CELF2: variants seen among roughly 807,000 people sequenced by gnomAD.
The protein encoded by CELF2 is CUGBP Elav-like family member 2, also known as CUG triplet repeat RNA-binding protein 2.
Under a neutral mutation model 62.6 loss-of-function variants are expected in CELF2, and 8 were observed. That is an observed-to-expected ratio of 0.13 (90% CI 0.07 to 0.23). The LOEUF (loss-of-function observed/expected upper bound fraction) is 0.23. CELF2 is among the 10% of genes least tolerant of loss of function. CELF2 has a pLI of 1.00. For synonymous variants in CELF2, 258 were observed against 250.0 expected (o/e 1.03, Z -0.30); for missense variants, 333 against 671.0 (o/e 0.50, Z 5.56).
In CELF2 at chr10:11,098,632, C is replaced by T. The variant is rs1033781496; in HGVS notation, c.75-66854C>T. On this transcript the variant is annotated intron_variant, in intron 1 of 12. Coordinates refer to ENST00000633077, the MANE Select transcript of CELF2 (RefSeq NM_001326342.2). The surrounding 1 kb of genome is among the most constrained non-coding windows in gnomAD (Gnocchi z 4.0). ...ACGCTCATTTTTTTTCCATTTTAGA[C>T]AAATAATGCATGATAAGTATAAATG... 1.3e-5 allele frequency among the ~76,000 whole-genome samples: 2 copies of T among 152,126 alleles called. No individual in the cohort carries two copies. Among genetic ancestry groups the T allele is most frequent in the Non-Finnish European group, 2.9e-5 (2 of 68,022 alleles).
At chr10:10,511,644 C>T in the CELF2 span, among the ~76,000 whole-genome samples, 1 of 152,240 alleles carries the variant, frequency 6.6e-6, no homozygotes, top group East Asian at 1.9e-4. Flanking sequence ...AGCTTCACAG[C>T]TGCCCACAGT....
chr10:10,715,686 T>G, the CELF2 span, among the ~76,000 whole-genome samples: 1 of 152,220 alleles, frequency 6.6e-6, no homozygotes, highest in Non-Finnish European at 1.5e-5. Flanking sequence ...TTTAGTTTTA[T>G]TCCCCTTACA....
the CELF2 span, among the ~76,000 whole-genome samples, chr10:10,701,218 TAGGCAG>T: frequency 6.6e-6 from 1 of 152,210 alleles, no homozygotes. Context: ...GTCCTGAGCC[TAGGCAG>T]AGGCTAATGC....
chr10:10,478,796 CA>C, the CELF2 span, among the ~76,000 whole-genome samples: 1 of 152,070 alleles, frequency 6.6e-6, no homozygotes, highest in African/African-American at 2.4e-5. Context: ...CTGTCTGGGA[CA>C]GTTTCAGTTT....
intron 3 of CELF2, among the ~76,000 whole-genome samples, chr10:11,226,270 G>A (rs1245773110): frequency 1.3e-5 from 2 of 152,214 alleles, no homozygotes; most frequent in African/African-American, 2.4e-5. Context: ...CTTGTTTGGG[G>A]TTAAACAGCT....
chr10:11,334,847 C>T lies in CELF2; in HGVS notation c.*5794C>T, dbSNP rs2096089601. ...AGTGAGTTCTCCAGGGAAGAAAAAT[C>T]AACTTAGCCAGTGAAAAGGGTTAAA... On this transcript the variant is annotated 3_prime_UTR_variant, in exon 13 of 13. Coordinates refer to ENST00000633077, the MANE Select transcript of CELF2 (RefSeq NM_001326342.2). The T allele has an allele frequency of 6.6e-6, 1 of 152,158 alleles. No homozygotes were observed. Among genetic ancestry groups the T allele is most frequent in the Non-Finnish European group, 1.5e-5 (1 of 68,018 alleles). The allele number at this position is 152,158 out of a possible 1,614,324, so 9.4% of individuals were successfully genotyped here. A position where few individuals can be genotyped will look rare whatever the true frequency, so the allele number is the denominator to read the frequency against.
chr10:10,819,897 G>A (rs2056812781), intron 1 of CELF2, among the ~76,000 whole-genome samples: 1 of 151,984 alleles, frequency 6.6e-6, no homozygotes, highest in Non-Finnish European at 1.5e-5. Context: ...ATTTGAGCTT[G>A]CATCCCTTCT....
chr10:11,060,893 A>G (rs1209675598), intron 1 of CELF2, among the ~76,000 whole-genome samples: 1 of 152,176 alleles, frequency 6.6e-6, no homozygotes, highest in Non-Finnish European at 1.5e-5. Context: ...AGCTTAATAA[A>G]AGTTGTGTGT....
the CELF2 span, among the ~76,000 whole-genome samples, chr10:10,515,910 G>T: frequency 0.062 from 9,430 of 152,202 alleles, 465 homozygotes; most frequent in African/African-American, 0.14. Context: ...AATTGGCAAC[G>T]TTTTTCTTGC....
the CELF2 span, chr10:10,776,327 A>G: frequency 2.0e-5 from 3 of 153,428 alleles, no homozygotes; most frequent in Admixed American, 1.3e-4. Flanking sequence ...GCATACTTCT[A>G]TAGAAACTTG....
chr10:10,800,591 G>A (rs2054562925), intron 1 of CELF2, among the ~76,000 whole-genome samples: 1 of 152,098 alleles, frequency 6.6e-6, no homozygotes, highest in South Asian at 2.1e-4. Context: ...GACCTCAGGT[G>A]ATACACCCTC....
the CELF2 span, among the ~76,000 whole-genome samples, chr10:10,546,217 T>C: frequency 2.6e-5 from 4 of 152,214 alleles, no homozygotes; most frequent in Admixed American, 2.0e-4. Context: ...CCGATAACCA[T>C]ACTGTGTGTG....
the CELF2 span, among the ~76,000 whole-genome samples, chr10:10,722,781 G>T: frequency 6.6e-6 from 1 of 152,186 alleles, no homozygotes; most frequent in Non-Finnish European, 1.5e-5. Flanking sequence ...TGAGTGACCT[G>T]AAAGTTATCA....
At chr10:11,089,660 A>C (rs1422352573) in intron 1 of CELF2, among the ~76,000 whole-genome samples, 1 of 152,168 alleles carries the variant, frequency 6.6e-6, no homozygotes, top group Non-Finnish European at 1.5e-5. Flanking sequence ...AGGTAGAGAG[A>C]AGGCAGAAGG....
At chr10:10,922,563 G>C (rs1325071524) in intron 2 of CELF2, 1 of 152,196 alleles carries the variant, frequency 6.6e-6, no homozygotes, top group African/African-American at 2.4e-5. Flanking sequence ...GCTGTATTTT[G>C]AATACCAAGC....
At chr10:11,114,968 G>A (rs1022343652) in intron 1 of CELF2, among the ~76,000 whole-genome samples, 2 of 148,250 alleles carry the variant, frequency 1.3e-5, no homozygotes, top group Non-Finnish European at 2.9e-5. Context: ...TTCCCAACAT[G>A]TAGTATATGT....
chr10:11,113,012 C>T lies in CELF2; in HGVS notation c.75-52474C>T, dbSNP rs531833597. On this transcript the variant is annotated intron_variant, in intron 1 of 12. Transcript: ENST00000633077. ...GTCCTGACTGAGTCGTGAGTAAACG[C>T]AATGCATTTCCACACGTGTAGCCCA... Among the ~76,000 whole-genome samples the T allele has an allele frequency of 1.4e-3, 212 of 152,314 alleles. 1 individual carries two copies. The highest frequency in any genetic ancestry group is 2.9e-3 in the Admixed American group (44 of 15,296).
At chr10:11,176,792 C>T (rs1359968402) in intron 2 of CELF2, among the ~76,000 whole-genome samples, 2 of 152,126 alleles carry the variant, frequency 1.3e-5, no homozygotes, top group Non-Finnish European at 2.9e-5. Context: ...CAAGGCGTTA[C>T]TTTTGGGTAA....
In CELF2 at chr10:11,068,430, C is replaced by G. The variant is rs146460017; in HGVS notation, c.74+50267C>G. 7.8e-4 allele frequency among the ~76,000 whole-genome samples: 119 copies of G among 152,268 alleles called. 2 individuals are homozygous for G. The highest frequency in any genetic ancestry group is 1.5e-3 in the Non-Finnish European group (101 of 68,016). On this transcript the variant is annotated intron_variant, in intron 1 of 12. Coordinates refer to ENST00000633077, the MANE Select transcript of CELF2 (RefSeq NM_001326342.2). Reference sequence around the variant, plus strand: ...GCAACCCTCAGTATACCATCAGGGTCCCTTGGACCCCATTTTAATTTTGGA... The same window carrying G: ...GCAACCCTCAGTATACCATCAGGGTGCCTTGGACCCCATTTTAATTTTGGA...
Sources: allele counts gnomAD v4.1 joint callset (sites outside exome capture counted in the v4.1 genomes callset), GRCh38; gene constraint gnomAD v4.1.1; non-coding constraint Gnocchi (gnomAD v3.1); transcripts MANE v1.5; gene names NCBI Gene and HGNC (gene_info 2026-07-23, HGNC 2026-07-21).